GCAT: variants seen among roughly 807,000 people sequenced by gnomAD.
GCAT encodes glycine C-acetyltransferase, also known as 2-amino-3-ketobutyrate coenzyme A ligase, mitochondrial.
In GCAT, 26 loss-of-function variants were observed where a neutral mutation model predicts 39.7. The observed-to-expected ratio is 0.65, with a 90% CI of 0.48 to 0.91. The LOEUF (loss-of-function observed/expected upper bound fraction) is 0.91, where lower values mean the gene tolerates loss of function less well. GCAT is among the 40% of genes least tolerant of loss of function. The pLI, the probability that GCAT is intolerant of heterozygous loss-of-function variation, is 0.00. For synonymous variants in GCAT, 218 were observed against 237.2 expected, an observed-to-expected ratio of 0.92 and a Z score of 0.74; for missense variants, 550 against 576.2, an observed-to-expected ratio of 0.95 and a Z score of 0.47.
Position 37,810,556 on chromosome 22 carries a change from G to A in GCAT, c.327+399G>A, listed in dbSNP as rs148757542. 1.3e-3 allele frequency among the ~76,000 whole-genome samples: 169 copies of A among 132,372 alleles called. 2 individuals carry two copies. The East Asian group carries it at 0.028, about 22-fold the overall frequency. 86.8% of individuals were successfully genotyped at this position (132,372 alleles called of 152,430 possible). A position where few individuals can be genotyped will look rare whatever the true frequency, so the allele number is the denominator to read the frequency against. On this transcript the variant is annotated intron_variant, in intron 2 of 8. Transcript: ENST00000248924. The stretch of plus-strand genomic sequence containing the variant: ...TTTTGAGATGGAGTCTCGCTCTGTC[G>A]CTGAGGCTGGAGTGCGGTGGCATGA...
Position 37,808,012 on chromosome 22 carries a change from C to T in GCAT, c.45C>T (p.Pro15=), listed in dbSNP as rs757307048. 11 of 1,544,746 alleles carry T rather than the reference C, an allele frequency of 7.1e-6. No individual in the cohort carries two copies. The highest frequency in any genetic ancestry group is 7.9e-6 in the Non-Finnish European group (9 of 1,145,950). The change falls in exon 1 of 9, where the codon CCC becomes CCT. Residue 15 remains proline (P), a synonymous_variant. Coordinates refer to ENST00000248924, the MANE Select transcript of GCAT (RefSeq NM_014291.4). ...NAWRAALFWV[P]RGRRAQSALA... ...GGCGCGCCGCACTCTTCTGGGTGCC[C>T]CGCGGCCGCCGCGCACAGTCAGCGC...
chr22:37,816,047 C>G (rs905345446), intron 7 of GCAT, among the ~76,000 whole-genome samples, 153 bp from the exon 8 acceptor site: 1 of 152,194 alleles, frequency 6.6e-6, no homozygotes, highest in Non-Finnish European at 1.5e-5. Flanking sequence ...CTCCCTGCCC[C>G]CTGCCTGGCT....
intron 2 of GCAT, 143 bp downstream of exon 2, chr22:37,810,300 G>T (rs776414772): frequency 1.5e-6 from 1 of 683,694 alleles, no homozygotes. Flanking sequence ...GAAAGGCTGA[G>T]TGCAGGCCTC....
intron 3 of GCAT, 130 bp from the exon 4 acceptor site, chr22:37,813,333 G>A: frequency 9.6e-7 from 1 of 1,038,380 alleles, no homozygotes; most frequent in Non-Finnish European, 1.5e-6. Flanking sequence ...GAGAAGCACA[G>A]AACACCTTGC....
At chr22:37,810,765 T>C (rs754518864) in intron 2 of GCAT, among the ~76,000 whole-genome samples, 64 of 152,102 alleles carry the variant, frequency 4.2e-4, no homozygotes, top group Non-Finnish European at 6.9e-4. Context: ...TCCACCCACC[T>C]TGGCCTCCCA....
chr22:37,808,828 A>G (rs954022617), intron 1 of GCAT, among the ~76,000 whole-genome samples: 3 of 152,190 alleles, frequency 2.0e-5, no homozygotes, highest in African/African-American at 7.2e-5. Context: ...CTGGGACTAC[A>G]GGCACGTGCC....
chr22:37,816,203 C>T lies in GCAT; in HGVS notation c.990C>T (p.Phe330=). 6.2e-7 allele frequency: 1 copy of T among 1,613,106 alleles called. No homozygotes were observed. The highest frequency in any genetic ancestry group is 8.5e-7 in the Non-Finnish European group (1 of 1,179,802). The change falls in exon 8 of 9, where the codon TTC becomes TTT. Residue 330 remains phenylalanine, a synonymous_variant. Coordinates refer to ENST00000248924, the MANE Select transcript of GCAT (RefSeq NM_014291.4). ...CTGTGACACCTTGTGCCCACAGGTT[C>T]CGTAGTAAGATGGAAGCTGCTGGCT... ...VQSMAAKTQR[F]RSKMEAAGFT...
At chr22:37,813,779 T>TC (rs942869615) in intron 4 of GCAT, among the ~76,000 whole-genome samples, 170 bp downstream of exon 4, 3 of 151,838 alleles carry the variant, frequency 2.0e-5, no homozygotes, top group African/African-American at 7.3e-5. Context: ...TTTTTTTTTT[T>TC]CCCTGAGACA....
chr22:37,811,480 C>CAAAAA (rs59876225), intron 2 of GCAT, among the ~76,000 whole-genome samples: 27 of 46,828 alleles, frequency 5.8e-4, no homozygotes, highest in Admixed American at 8.6e-4. Context: ...GACTCTGTCT[C>CAAAAA]AAAAAAAAAA....
chr22:37,815,676 A>G lies in GCAT; in HGVS notation c.828A>G (p.Thr276=), dbSNP rs764960255. ...CCTTCTTCTCAGGGGGCTACACGACAGGGCCTGGGCCCCTGGTGTCCCTGC... is the reference window on the plus strand; with the variant it reads ...CCTTCTTCTCAGGGGGCTACACGACGGGGCCTGGGCCCCTGGTGTCCCTGC... The part of the protein sequence containing the change: ...ALGGASGGYT[T]GPGPLVSLLR... The change falls in exon 7 of 9, where the codon ACA becomes ACG. Residue 276 remains threonine, a synonymous_variant. Coordinates refer to ENST00000248924, the MANE Select transcript of GCAT (RefSeq NM_014291.4). 2 of 1,611,894 alleles carry G rather than the reference A, an allele frequency of 1.2e-6. No homozygotes were observed. Among genetic ancestry groups the G allele is most frequent in the Non-Finnish European group, 1.7e-6 (2 of 1,178,770 alleles).
Position 37,812,991 on chromosome 22 carries a change from G to T in GCAT, c.429+3G>T. On this transcript the variant is annotated splice_donor_region_variant and intron_variant, in intron 3 of 8. Coordinates refer to ENST00000248924, the MANE Select transcript of GCAT (RefSeq NM_014291.4). ...ACGCCAACGCCGGCCTCTTTGAGGT[G>T]TGTGGAAGCTGTCCTGCGGGTGAGG... 3 of 1,604,236 alleles carry T rather than the reference G, an allele frequency of 1.9e-6. No homozygotes were observed. The South Asian group carries it at 3.3e-5, about 18-fold the overall frequency.
At chr22:37,815,571 G>C in intron 6 of GCAT, 71 bp downstream of exon 6, 2 of 1,502,622 alleles carry the variant, frequency 1.3e-6, no homozygotes, top group Non-Finnish European at 1.8e-6. Flanking sequence ...CAGGGAAGTG[G>C]GGAGGGCAGC....
At chr22:37,815,370 C>T in intron 5 of GCAT, 48 bp from the exon 6 acceptor site, 2 of 1,595,938 alleles carry the variant, frequency 1.3e-6, no homozygotes, top group Non-Finnish European at 8.6e-7. Flanking sequence ...ATCCATAATC[C>T]CTGGGCTCTC....
At chr22:37,809,656 C>T (rs1026520588) in intron 1 of GCAT, among the ~76,000 whole-genome samples, 1 of 151,854 alleles carries the variant, frequency 6.6e-6, no homozygotes, top group Non-Finnish European at 1.5e-5. Context: ...CCCATCTCTA[C>T]AAAAAATAAA....
chr22:37,809,946 C>T (rs1310328849), intron 1 of GCAT, 81 bp from the exon 2 acceptor site: 10 of 1,569,704 alleles, frequency 6.4e-6, no homozygotes, highest in Middle Eastern at 3.3e-4. Context: ...ACCATTTCCC[C>T]AGGGCCTGGC....
Position 37,816,749 on chromosome 22 carries a change from C to T in GCAT, c.*31C>T. The T allele has an allele frequency of 1.2e-6, 2 of 1,611,080 alleles. No homozygotes were observed. Among genetic ancestry groups the T allele is most frequent in the Non-Finnish European group, 1.7e-6 (2 of 1,178,134 alleles). On this transcript the variant is annotated 3_prime_UTR_variant, in exon 9 of 9. Coordinates refer to ENST00000248924, the MANE Select transcript of GCAT (RefSeq NM_014291.4). ...GGGTAAGGACGAGAAGAGCCAAGGT[C>T]CGCCTACTGCCACAGGGTCAAAGGA...
chr22:37,816,804 T>C lies in GCAT; in HGVS notation c.*86T>C. ...TTCGATCAGCCCAGACCAGAGGCTC[T>C]GAGCCCTGAACCAAAGTCCCAGAGC... On this transcript the variant is annotated 3_prime_UTR_variant, in exon 9 of 9. Transcript: ENST00000248924. 1 of 1,415,094 alleles carries C rather than the reference T, an allele frequency of 7.1e-7. No individual in the cohort carries two copies. The highest frequency in any genetic ancestry group is 1.2e-5 in the South Asian group (1 of 83,812). 87.7% of individuals were successfully genotyped at this position (1,415,094 alleles called of 1,614,324 possible).
chr22:37,815,773 G>T lies in GCAT; in HGVS notation c.925G>T (p.Ala309Ser). 8.7e-6 allele frequency: 14 copies of T among 1,613,960 alleles called. No individual in the cohort carries two copies. Among genetic ancestry groups the T allele is most frequent in the Non-Finnish European group, 1.2e-5 (14 of 1,179,948 alleles). ...PPAVVGCASK[A>S]LDLLMGSNTI... Reference sequence around the variant, plus strand: ...TGCTGTCGTTGGCTGCGCCTCCAAGGCCCTAGATCTGCTGATGGGGAGTAA... The same window carrying T: ...TGCTGTCGTTGGCTGCGCCTCCAAGTCCCTAGATCTGCTGATGGGGAGTAA... Residue 309 changes from alanine to serine, a missense_variant, in exon 7 of 9, where the codon GCC (alanine) becomes TCC (serine). Around this residue, in one of 3 missense-constraint regions of GCAT, gnomAD observed 378 missense variants for 390.4 expected, o/e 0.97. Transcript: ENST00000248924.
At chr22:37,817,095 T>C (rs2269617), downstream of GCAT, 137,493 of 191,014 alleles carry the variant, frequency 0.72, 50,723 homozygotes, top group African/African-American at 0.9. Context: ...GAGGCCAAGG[T>C]AGGCGGATCA....
Sources: gnomAD v4.1 joint callset for allele counts (sites outside exome capture counted in the v4.1 genomes callset) on GRCh38, gnomAD v4.1.1 for gene constraint, gnomAD v4.1.1 regional missense constraint, MANE v1.5 for transcripts, NCBI Gene and HGNC (gene_info 2026-07-23, HGNC 2026-07-21) for gene names.